PDE6C: variants seen among roughly 807,000 people sequenced by gnomAD.
PDE6C encodes phosphodiesterase 6C, also known as cone cGMP-specific 3',5'-cyclic phosphodiesterase subunit alpha'.
Under a neutral mutation model 113.1 loss-of-function variants are expected in PDE6C, and 75 were observed. The ratio of observed to expected loss-of-function variants is 0.66; its 90% CI spans 0.55 to 0.80. The LOEUF (loss-of-function observed/expected upper bound fraction) is 0.80. PDE6C is among the 30% of genes least tolerant of loss of function. PDE6C has a pLI of 0.00. For synonymous variants in PDE6C, 375 were observed against 363.7 expected (o/e 1.03, Z -0.35); for missense variants, 912 against 1,038.6 (o/e 0.88, Z 1.67).
Position 93,634,889 on chromosome 10 carries a change from T to C in PDE6C, c.1251T>C (p.His417=), listed in dbSNP as rs768495549. The C allele has an allele frequency of 6.2e-7, 1 of 1,614,046 alleles. No individual in the cohort carries two copies. The highest frequency in any genetic ancestry group is 1.7e-5 in the Admixed American group (1 of 60,018). ...AGGATGGAAAACCTTTCGATGAGCA[T>C]GATGAATACATTACCGAGGCAAGTG... ...NRKDGKPFDE[H]DEYITETLTQ... is the part of the protein sequence containing the mutation. Residue 417 remains histidine, a synonymous_variant, in exon 9 of 22, where the codon CAT becomes CAC. Transcript: ENST00000371447.
rs1317421018 is a variant in PDE6C, at chr10:93,657,381, A to C, written c.2037-1520A>C. ...TGTATTTTAGTAGAGATGGGGTTTCACCATGTTGGCCAGGATGGTCTCTCT... is the reference window on the plus strand; with the variant it reads ...TGTATTTTAGTAGAGATGGGGTTTCCCCATGTTGGCCAGGATGGTCTCTCT... On this transcript the variant is annotated intron_variant, in intron 16 of 21. Coordinates refer to ENST00000371447, the MANE Select transcript of PDE6C (RefSeq NM_006204.4). 1.4e-4 allele frequency among the ~76,000 whole-genome samples: 16 copies of C among 118,342 alleles called. No homozygotes were observed. In the Admixed American group the frequency reaches 1.5e-3, roughly 11 times the overall value. 77.6% of individuals were successfully genotyped at this position (118,342 alleles called of 152,430 possible).
chr10:93,617,439 T>C (rs1589692097), intron 1 of PDE6C, among the ~76,000 whole-genome samples: 1 of 152,300 alleles, frequency 6.6e-6, no homozygotes, highest in Middle Eastern at 3.4e-3. Context: ...TGGAATAAAA[T>C]GGCATTAAGT....
chr10:93,645,087 A>G (rs1161440866), intron 14 of PDE6C, among the ~76,000 whole-genome samples: 1 of 151,940 alleles, frequency 6.6e-6, no homozygotes, highest in Admixed American at 6.6e-5. Flanking sequence ...TCAAAAGTGG[A>G]TCTCAGAAGA....
At chr10:93,661,818 C>A (rs369040129) in intron 18 of PDE6C, among the ~76,000 whole-genome samples, 1 of 152,086 alleles carries the variant, frequency 6.6e-6, no homozygotes, top group Admixed American at 6.6e-5. Context: ...TGGTGGCAAT[C>A]GTAAATGGGA....
At chr10:93,615,927 G>A (rs929614936) in intron 1 of PDE6C, among the ~76,000 whole-genome samples, 4 of 152,208 alleles carry the variant, frequency 2.6e-5, no homozygotes, top group Non-Finnish European at 5.9e-5. Flanking sequence ...TGGATGAGGA[G>A]GGTTGGAACG....
chr10:93,635,014 T>C (rs2058521145), intron 9 of PDE6C, 107 bp downstream of exon 9: 2 of 1,148,854 alleles, frequency 1.7e-6, no homozygotes, highest in Non-Finnish European at 2.6e-6. Context: ...CATTAAGACA[T>C]GAGTCACACA....
At chr10:93,636,924 TA>T in intron 10 of PDE6C, 70 bp from the exon 11 acceptor site, 1 of 837,252 alleles carries the variant, frequency 1.2e-6, no homozygotes, top group Non-Finnish European at 2.1e-6. Context: ...ACTAAGATTG[TA>T]ATAGTAGAGG....
chr10:93,613,010 C>T lies in PDE6C; in HGVS notation c.285C>T (p.Arg95=). 6.2e-7 allele frequency: 1 copy of T among 1,614,156 alleles called. No individual in the cohort carries two copies. The highest frequency in any genetic ancestry group is 1.3e-5 in the African/African-American group (1 of 75,048). ...QRLAHLLQAD[R]CSMFLCRSRN... is the part of the protein sequence containing the mutation. ...TGGCCCACCTGCTCCAGGCTGACCGCTGCAGCATGTTCCTGTGCCGGTCCC... is the reference window on the plus strand; with the variant it reads ...TGGCCCACCTGCTCCAGGCTGACCGTTGCAGCATGTTCCTGTGCCGGTCCC... Residue 95 remains arginine (R), a synonymous_variant, in exon 1 of 22, where the codon CGC becomes CGT. Coordinates refer to ENST00000371447, the MANE Select transcript of PDE6C (RefSeq NM_006204.4).
intron 14 of PDE6C, among the ~76,000 whole-genome samples, chr10:93,645,326 A>C (rs1435945449): frequency 1.3e-5 from 2 of 152,220 alleles, no homozygotes; most frequent in Non-Finnish European, 2.9e-5. Flanking sequence ...TGAAATAAAT[A>C]AAGCTTCTCT....
chr10:93,658,990 C>T lies in PDE6C; in HGVS notation c.2126C>T (p.Thr709Ile). The T allele has an allele frequency of 1.2e-6, 2 of 1,606,692 alleles. No individual in the cohort carries two copies. The highest frequency in any genetic ancestry group is 1.7e-6 in the Non-Finnish European group (2 of 1,173,490). Residue 709 changes from threonine (T) to isoleucine (I), a missense_variant, in exon 17 of 22, where the codon ACC (threonine) becomes ATC (isoleucine). Coordinates refer to ENST00000371447, the MANE Select transcript of PDE6C (RefSeq NM_006204.4). Reference protein sequence around the residue: ...EAIKYVTVDPTKKEIIMAMMM... With the variant: ...EAIKYVTVDPIKKEIIMAMMM... ...ATCAAATATGTAACTGTTGATCCAA[C>T]CAAGAAAGAGATTATCATGTAGGTA...
At chr10:93,622,368 C>T (rs534338709) in intron 4 of PDE6C, among the ~76,000 whole-genome samples, 1 of 151,524 alleles carries the variant, frequency 6.6e-6, no homozygotes, top group South Asian at 2.1e-4. Context: ...GGAGTTTCCT[C>T]TTCCCTCCCA....
chr10:93,612,655 T>C lies in PDE6C; in HGVS notation c.-71T>C. The C allele has an allele frequency of 1.9e-6, 3 of 1,605,880 alleles. No homozygotes were observed. The highest frequency in any genetic ancestry group is 2.6e-6 in the Non-Finnish European group (3 of 1,175,794). On this transcript the variant is annotated 5_prime_UTR_variant, in exon 1 of 22. Coordinates refer to ENST00000371447, the MANE Select transcript of PDE6C (RefSeq NM_006204.4). The stretch of plus-strand genomic sequence containing the variant: ...ATTTCCACCAGGATGAATTTCCTTC[T>C]CATCACTCTGCCTCAGGTAGTGCTC...
intron 10 of PDE6C, among the ~76,000 whole-genome samples, chr10:93,636,175 C>G (rs2058528260): frequency 6.6e-6 from 1 of 152,178 alleles, no homozygotes; most frequent in South Asian, 2.1e-4. Flanking sequence ...CCTAACTGTG[C>G]AGGCATACTT....
chr10:93,637,915 T>C (rs1365933007), intron 11 of PDE6C, among the ~76,000 whole-genome samples: 18 of 152,102 alleles, frequency 1.2e-4, no homozygotes, highest in Admixed American at 1.2e-3. Context: ...TGAGTGATAT[T>C]ATCCTTCTGC....
intron 7 of PDE6C, among the ~76,000 whole-genome samples, chr10:93,627,273 A>AC (rs1430021523): frequency 5.9e-5 from 9 of 151,356 alleles, no homozygotes; most frequent in Non-Finnish European, 1.2e-4. Context: ...AAAAAAAAAA[A>AC]AAAAAAAAAG....
At chr10:93,628,273 A>C (rs2058483380) in intron 7 of PDE6C, among the ~76,000 whole-genome samples, 1 of 152,050 alleles carries the variant, frequency 6.6e-6, no homozygotes, top group East Asian at 1.9e-4. Flanking sequence ...TTAATTGCTA[A>C]GATCCCTTCT....
intron 7 of PDE6C, among the ~76,000 whole-genome samples, chr10:93,628,411 C>T (rs561533571): frequency 1.3e-5 from 2 of 152,186 alleles, no homozygotes; most frequent in South Asian, 4.2e-4. Context: ...ATGGTGAAAC[C>T]TTGTCTTTAC....
chr10:93,662,947 T>C, intron 20 of PDE6C, 81 bp from the exon 21 acceptor site: 2 of 1,259,552 alleles, frequency 1.6e-6, no homozygotes, highest in Non-Finnish European at 2.3e-6. Context: ...AACAATTCCT[T>C]ACAGCTCACT....
intron 10 of PDE6C, 117 bp from the exon 11 acceptor site, chr10:93,636,878 C>A (rs2058534898): frequency 1.4e-6 from 1 of 693,886 alleles, no homozygotes; most frequent in South Asian, 1.6e-5. Flanking sequence ...AGGGATCTTC[C>A]CGCCTCTTCC....
Sources: gnomAD v4.1 joint callset for allele counts (sites outside exome capture counted in the v4.1 genomes callset) on GRCh38, gnomAD v4.1.1 for gene constraint, MANE v1.5 for transcripts, NCBI Gene and HGNC (gene_info 2026-07-23, HGNC 2026-07-21) for gene names.